Variants in LRCH1 observed in about 807,000 individuals in gnomAD.
LRCH1 encodes leucine rich repeats and calponin homology domain containing 1, also known as leucine-rich repeat and calponin homology domain-containing protein 1.
In LRCH1, 23 loss-of-function variants were observed where a neutral mutation model predicts 94.9. The observed-to-expected ratio is 0.24, with a 90% CI of 0.17 to 0.34. The LOEUF (loss-of-function observed/expected upper bound fraction) is 0.34. Among genes scored for constraint, LRCH1 ranks in the 10% least tolerant of loss-of-function variants. LRCH1 has a pLI of 1.00. For synonymous variants in LRCH1, 364 were observed against 354.9 expected, an observed-to-expected ratio of 1.03 and a Z score of -0.29; for missense variants, 790 against 945.9, an observed-to-expected ratio of 0.84 and a Z score of 2.16.
chr13:46,640,801 A>T (rs1254685000), intron 1 of LRCH1, among the ~76,000 whole-genome samples: 1 of 152,224 alleles, frequency 6.6e-6, no homozygotes, highest in African/African-American at 2.4e-5. Flanking sequence ...CAGAGGAAGA[A>T]GGTTAAGATG....
chr13:46,615,236 T>TA (rs1414096064), intron 1 of LRCH1, among the ~76,000 whole-genome samples: 1 of 152,202 alleles, frequency 6.6e-6, no homozygotes, highest in Non-Finnish European at 1.5e-5. Context: ...TCTGCTCCGC[T>TA]ACCTGTGAGG....
intron 5 of LRCH1, among the ~76,000 whole-genome samples, chr13:46,686,956 T>C (rs1015426796): frequency 1.5e-5 from 2 of 131,450 alleles, no homozygotes; most frequent in African/African-American, 6.1e-5. Flanking sequence ...ATATTGATTT[T>C]TTTTTTTTTT....
downstream of LRCH1, among the ~76,000 whole-genome samples, chr13:46,747,398 A>G (rs1353663224): frequency 6.6e-6 from 1 of 152,200 alleles, no homozygotes; most frequent in African/African-American, 2.4e-5. Flanking sequence ...AGAACCCTGC[A>G]GGCCACTGGA....
chr13:46,573,779 T>C (rs1474873663), intron 1 of LRCH1, among the ~76,000 whole-genome samples: 1 of 143,848 alleles, frequency 7.0e-6, no homozygotes, highest in African/African-American at 2.6e-5. Flanking sequence ...TTAATAGGTA[T>C]GAAAAATAGA....
intron 1 of LRCH1, among the ~76,000 whole-genome samples, chr13:46,579,781 T>A (rs1446719500): frequency 6.6e-6 from 1 of 152,234 alleles, no homozygotes; most frequent in African/African-American, 2.4e-5. Flanking sequence ...TGCGAACATC[T>A]GAATAATTGA....
chr13:46,691,039 A>T (rs1392538483), intron 7 of LRCH1, among the ~76,000 whole-genome samples: 1 of 152,252 alleles, frequency 6.6e-6, no homozygotes, highest in African/African-American at 2.4e-5. Context: ...AATGAAATGC[A>T]TGCCTAATTT....
intron 1 of LRCH1, among the ~76,000 whole-genome samples, chr13:46,619,546 TGCAG>T (rs1309016384): frequency 2.6e-5 from 4 of 152,214 alleles, no homozygotes; most frequent in African/African-American, 4.8e-5. Flanking sequence ...AGGGCCAGAG[TGCAG>T]GACAGAGGCA....
At chr13:46,740,780 T>G (rs766580713) in intron 19 of LRCH1, among the ~76,000 whole-genome samples, 1 of 152,244 alleles carries the variant, frequency 6.6e-6, no homozygotes, top group Non-Finnish European at 1.5e-5. Context: ...AATTGTTTGC[T>G]TTCTGACAGC....
intron 1 of LRCH1, among the ~76,000 whole-genome samples, chr13:46,628,339 A>G (rs748182122): frequency 6.6e-6 from 1 of 152,126 alleles, no homozygotes; most frequent in Non-Finnish European, 1.5e-5. Context: ...CAGAAGGTAC[A>G]TCTAAGACAC....
At chr13:46,556,151 T>C (rs995404568) in intron 1 of LRCH1, among the ~76,000 whole-genome samples, 2 of 151,992 alleles carry the variant, frequency 1.3e-5, no homozygotes, top group Non-Finnish European at 2.9e-5. Flanking sequence ...ATATATTTTC[T>C]AAGACAGGGA....
Position 46,744,451 on chromosome 13 carries a change from A to G in LRCH1, c.*2603A>G, listed in dbSNP as rs994711335. The G allele has an allele frequency of 3.1e-5, 31 of 985,262 alleles. No individual in the cohort carries two copies. The highest frequency in any genetic ancestry group is 3.7e-5 in the Non-Finnish European group (31 of 829,920). 61.0% of individuals were successfully genotyped at this position (985,262 alleles called of 1,614,324 possible). A position where few individuals can be genotyped will look rare whatever the true frequency, so the allele number is the denominator to read the frequency against. On this transcript the variant is annotated 3_prime_UTR_variant, in exon 20 of 20. Transcript: ENST00000389797. ...GGAATTCCAAAATTTGTGACACCTA[A>G]TTTCTAATCATCTTTCCTATTTATG...
Position 46,743,345 on chromosome 13 carries a change from A to T in LRCH1, c.*1497A>T. On this transcript the variant is annotated 3_prime_UTR_variant, in exon 20 of 20. Coordinates refer to ENST00000389797, the MANE Select transcript of LRCH1 (RefSeq NM_001164211.2). ...CAGATCAGATTTGCTAACAGGAAGC[A>T]TTCTTTACATGACAGTATCTTGAGT... is the stretch of plus-strand genomic sequence containing the variant. 1 of 985,900 alleles carries T rather than the reference A, an allele frequency of 1.0e-6. No homozygotes were observed. Among genetic ancestry groups the T allele is most frequent in the Non-Finnish European group, 1.2e-6 (1 of 829,938 alleles). 61.1% of individuals were successfully genotyped at this position (985,900 alleles called of 1,614,324 possible). A position where few individuals can be genotyped will look rare whatever the true frequency, so the allele number is the denominator to read the frequency against.
At chr13:46,584,234 C>T (rs553675251) in intron 1 of LRCH1, among the ~76,000 whole-genome samples, 2 of 152,238 alleles carry the variant, frequency 1.3e-5, no homozygotes, top group East Asian at 3.9e-4. Context: ...AAGTACTTTA[C>T]ATATATAGCT....
rs141141301 is a variant in LRCH1, at chr13:46,726,704, C to T, written c.1870-2143C>T. On this transcript the variant is annotated intron_variant, in intron 17 of 19. Coordinates refer to ENST00000389797, the MANE Select transcript of LRCH1 (RefSeq NM_001164211.2). ...GCTCCCAGAGTTTCAGTGGAGACCA[C>T]GTGGGAATTCTGGATTCTCACCCCC... Among the ~76,000 whole-genome samples the T allele has an allele frequency of 2.6e-5, 4 of 152,070 alleles. No individual in the cohort carries two copies. The East Asian group carries it at 7.7e-4, about 29-fold the overall frequency.
At chr13:46,557,939 G>C (rs1026580102) in intron 1 of LRCH1, among the ~76,000 whole-genome samples, 1 of 152,090 alleles carries the variant, frequency 6.6e-6, no homozygotes, top group Non-Finnish European at 1.5e-5. Flanking sequence ...CCAGCTATGC[G>C]GACGGCTGAG....
intron 1 of LRCH1, among the ~76,000 whole-genome samples, chr13:46,627,673 C>A (rs910785170): frequency 6.6e-6 from 1 of 152,206 alleles, no homozygotes; most frequent in Admixed American, 6.5e-5. Context: ...ATGCTGGGTT[C>A]AGGGTCCTTT....
intron 1 of LRCH1, among the ~76,000 whole-genome samples, chr13:46,626,578 A>G (rs566140194): frequency 1.5e-4 from 23 of 152,304 alleles, no homozygotes; most frequent in Admixed American, 4.6e-4. Context: ...ACCTATAAGA[A>G]CTAATGATAA....
At chr13:46,715,734 C>T (rs1872288592) in intron 16 of LRCH1, 70 bp downstream of exon 16, 2 of 912,316 alleles carry the variant, frequency 2.2e-6, no homozygotes, top group Non-Finnish European at 3.5e-6. Context: ...ACATTCATCT[C>T]TGTGCAGCTG....
intron 1 of LRCH1, among the ~76,000 whole-genome samples, chr13:46,563,999 G>A (rs2050155887): frequency 6.6e-6 from 1 of 152,096 alleles, no homozygotes; most frequent in African/African-American, 2.4e-5. Context: ...GCCAGGTTGT[G>A]GGCCTCCCAA....
Sources: gnomAD v4.1 joint callset for allele counts (sites outside exome capture counted in the v4.1 genomes callset) on GRCh38, gnomAD v4.1.1 for gene constraint, MANE v1.5 for transcripts, NCBI Gene and HGNC (gene_info 2026-07-23, HGNC 2026-07-21) for gene names.